Variants in NT5M observed in about 807,000 individuals in gnomAD.
NT5M encodes 5',3'-nucleotidase, mitochondrial.
In NT5M, 22 loss-of-function variants were observed where a neutral mutation model predicts 22.2. The observed-to-expected ratio is 0.99, with a 90% CI of 0.71 to 1.41. The LOEUF (loss-of-function observed/expected upper bound fraction) is 1.41. Among genes scored for constraint, NT5M ranks in the 40% most tolerant of loss-of-function variants. The probability of loss-of-function intolerance (pLI) is 0.00; values close to 1 mark genes in which losing one functional copy is unlikely to be tolerated. For missense variants in NT5M, 322 were observed against 314.8 expected (o/e 1.02, Z -0.17); for synonymous variants, 167 against 133.0 (o/e 1.26, Z -1.76).
At chr17:17,318,103 G>C (rs753988478) in intron 2 of NT5M, among the ~76,000 whole-genome samples, 6 of 151,924 alleles carry the variant, frequency 3.9e-5, no homozygotes, top group Non-Finnish European at 7.4e-5. Context: ...ACTATTCACA[G>C]CAACCCCAAG....
chr17:17,313,787 G>C (rs188128924), intron 2 of NT5M, among the ~76,000 whole-genome samples: 338 of 152,326 alleles, frequency 2.2e-3, no homozygotes, highest in African/African-American at 7.8e-3. Context: ...CCATTGTGCT[G>C]CCATCTTGAG....
intron 3 of NT5M, among the ~76,000 whole-genome samples, chr17:17,342,327 C>T (rs748774091): frequency 2.6e-5 from 4 of 152,186 alleles, no homozygotes; most frequent in Non-Finnish European, 5.9e-5. Context: ...TTCATCTGTA[C>T]GGGATCTCGT....
chr17:17,335,399 A>G (rs1318131031), intron 3 of NT5M, among the ~76,000 whole-genome samples: 1 of 151,886 alleles, frequency 6.6e-6, no homozygotes, highest in Admixed American at 6.6e-5. Context: ...CTGGGACTAT[A>G]GGCGCCCGCC....
intron 3 of NT5M, among the ~76,000 whole-genome samples, chr17:17,337,448 G>A (rs2049540167): frequency 6.6e-6 from 1 of 150,588 alleles, no homozygotes; most frequent in Admixed American, 6.7e-5. Context: ...CTGTTTCTCA[G>A]ACTGGTGTAC....
At chr17:17,310,435 C>A (rs948294632) in intron 2 of NT5M, among the ~76,000 whole-genome samples, 1 of 152,088 alleles carries the variant, frequency 6.6e-6, no homozygotes, top group Non-Finnish European at 1.5e-5. Context: ...TGTGCCTGAC[C>A]TTGTCCAAAA....
At chr17:17,313,999 G>A (rs982284718) in intron 2 of NT5M, among the ~76,000 whole-genome samples, 1 of 151,850 alleles carries the variant, frequency 6.6e-6, no homozygotes, top group Non-Finnish European at 1.5e-5. Context: ...ATCTTCAGGG[G>A]TGACCATTCT....
chr17:17,323,487 T>A (rs2049199031), intron 3 of NT5M, among the ~76,000 whole-genome samples: 1 of 152,192 alleles, frequency 6.6e-6, no homozygotes, highest in African/African-American at 2.4e-5. Context: ...AGAGTAGGCC[T>A]TTGAAGGGTG....
chr17:17,343,417 G>T (rs1208630323), intron 3 of NT5M, among the ~76,000 whole-genome samples: 1 of 152,228 alleles, frequency 6.6e-6, no homozygotes, highest in Non-Finnish European at 1.5e-5. Flanking sequence ...GAAAGGTGGC[G>T]CTGGGACAGC....
intron 3 of NT5M, among the ~76,000 whole-genome samples, chr17:17,325,415 C>T (rs769487818): frequency 2.6e-5 from 4 of 152,074 alleles, no homozygotes; most frequent in Non-Finnish European, 5.9e-5. Context: ...AAATCAGGGG[C>T]CGTGCTGATG....
chr17:17,330,792 G>GA (rs2049367956), intron 3 of NT5M, among the ~76,000 whole-genome samples: 1 of 146,110 alleles, frequency 6.8e-6, no homozygotes, highest in African/African-American at 2.6e-5. Context: ...ACCCAGGCTG[G>GA]AATGCAGTGG....
At chr17:17,330,890 A>G (rs2049370526) in intron 3 of NT5M, among the ~76,000 whole-genome samples, 1 of 151,488 alleles carries the variant, frequency 6.6e-6, no homozygotes, top group Non-Finnish European at 1.5e-5. Flanking sequence ...CTACAGGCAC[A>G]TGCTACCACA....
chr17:17,344,946 G>T (rs2142388690), intron 4 of NT5M, 38 bp downstream of exon 4: 1 of 1,612,978 alleles, frequency 6.2e-7, no homozygotes, highest in Non-Finnish European at 8.5e-7. Flanking sequence ...ACGTGGGGAG[G>T]GCCCCAGCCT....
At chr17:17,321,705 G>A (rs1597771214) in intron 2 of NT5M, among the ~76,000 whole-genome samples, 1 of 151,842 alleles carries the variant, frequency 6.6e-6, no homozygotes, top group Non-Finnish European at 1.5e-5. Context: ...GGGAGCAGTG[G>A]GATAGCTGGG....
chr17:17,324,018 C>G (rs2049212095), intron 3 of NT5M, among the ~76,000 whole-genome samples: 1 of 152,038 alleles, frequency 6.6e-6, no homozygotes, highest in South Asian at 2.1e-4. Context: ...ATTACAAGTG[C>G]CTACCACCAC....
chr17:17,343,608 G>A (rs529702512), intron 3 of NT5M, among the ~76,000 whole-genome samples: 17 of 152,252 alleles, frequency 1.1e-4, no homozygotes, highest in African/African-American at 4.1e-4. Context: ...GGGAAAAACG[G>A]AGTCCCTGGG....
intron 2 of NT5M, among the ~76,000 whole-genome samples, chr17:17,310,263 A>G (rs2048896705): frequency 6.6e-6 from 1 of 152,200 alleles, no homozygotes; most frequent in African/African-American, 2.4e-5. Context: ...TAACAATGAA[A>G]AAAAGCCAGG....
chr17:17,344,331 C>G (rs754633832), intron 3 of NT5M, among the ~76,000 whole-genome samples: 20 of 152,218 alleles, frequency 1.3e-4, no homozygotes, highest in Non-Finnish European at 2.6e-4. Flanking sequence ...ACCGCTGTCT[C>G]CTCAGCTGTA....
Position 17,303,725 on chromosome 17 carries a change from G to T in NT5M, c.175G>T (p.Ala59Ser). 2 of 1,591,218 alleles carry T rather than the reference G, an allele frequency of 1.3e-6. No individual in the cohort carries two copies. The change falls in exon 1 of 5, where the codon GCG (alanine) becomes TCG (serine). Residue 59 changes from alanine (A) to serine (S), a missense_variant. By Grantham distance (99) the Ala-to-Ser change is moderately conservative. Transcript: ENST00000389022. ...FEGGFLRKFR[A>S]RFPDQPFIAL... ...GGGCGGATTCCTCAGGAAGTTCCGC[G>T]CGCGCTTTCCCGACCAGCCCTTCAT...
rs972413082 is a variant in NT5M at position 17,347,111 on chromosome 17, C to G, written c.*164C>G. 43 of 922,980 alleles carry G rather than the reference C, an allele frequency of 4.7e-5. No homozygotes were observed. The highest frequency in any genetic ancestry group is 3.5e-4 in the Middle Eastern group (1 of 2,878). 57.2% of individuals were successfully genotyped at this position (922,980 alleles called of 1,614,324 possible). A position where few individuals can be genotyped will look rare whatever the true frequency, so the allele number is the denominator to read the frequency against. On this transcript the variant is annotated 3_prime_UTR_variant, in exon 5 of 5. Transcript: ENST00000389022. ...TTCCCCAGCCCTGCCAGGCCTTAAC[C>G]TGATCACGGGGCAGGGCTGGGCCCT...
Sources: gnomAD v4.1 joint callset for allele counts (sites outside exome capture counted in the v4.1 genomes callset) on GRCh38, gnomAD v4.1.1 for gene constraint, MANE v1.5 for transcripts, NCBI Gene and HGNC (gene_info 2026-07-23, HGNC 2026-07-21) for gene names.